The following GCM1 variants were observed in gnomAD, a reference collection of about 807,000 sequenced individuals.
The protein encoded by GCM1 is chorion-specific transcription factor GCMa.
GCM1 carries 2 observed loss-of-function variants against 25.7 expected under a neutral mutation model. That is an observed-to-expected ratio of 0.08 (90% confidence interval 0.03 to 0.24). The LOEUF (loss-of-function observed/expected upper bound fraction) is 0.24, where lower values mean the gene tolerates loss of function less well. GCM1 is among the 10% of genes least tolerant of loss of function. GCM1 has a pLI of 1.00. For synonymous variants in GCM1, 183 were observed against 195.7 expected (o/e 0.94, Z 0.54); for missense variants, 395 against 538.7 (o/e 0.73, Z 2.64).
rs1259951702 is a variant in GCM1, at chr6:53,142,000, G to GGAAAAAAAAAAAAAAAAAAAA, written c.75+3557_75+3558insTTTTTTTTTTTTTTTTTTTTC. 1.3e-3 allele frequency among the ~76,000 whole-genome samples: 16 copies of GGAAAAAAAAAAAAAAAAAAAA among 12,298 alleles called. 3 individuals carry two copies. The highest frequency in any genetic ancestry group is 1.9e-3 in the Non-Finnish European group (11 of 5,938). The allele number at this position is 12,298 out of a possible 152,430, so 8.1% of individuals were successfully genotyped here. A position where few individuals can be genotyped will look rare whatever the true frequency, so the allele number is the denominator to read the frequency against. On this transcript the variant is annotated intron_variant, in intron 2 of 5. Transcript: ENST00000259803. Reference sequence around the variant, plus strand: ...GCTTGGGTAATGAGAGTGAGACCCTGAAAAAAAAAAAAAAAAAAAAAAAAA... The same window carrying GGAAAAAAAAAAAAAAAAAAAA: ...GCTTGGGTAATGAGAGTGAGACCCTGGAAAAAAAAAAAAAAAAAAAAAAAAAAAAAAAAAAAAAAAAAAAAA...
At position 53,128,664 on chromosome 6, in the gene GCM1, A is replaced by G. The variant is rs1562086702; in HGVS notation, c.853T>C (p.Ser285Pro). The G allele has an allele frequency of 1.9e-6, 3 of 1,614,008 alleles. No individual in the cohort carries two copies. Among genetic ancestry groups the G allele is most frequent in the Non-Finnish European group, 2.5e-6 (3 of 1,179,870 alleles). Residue 285 changes from serine (S) to proline (P), a missense_variant, in exon 6 of 6, where the codon TCC (serine) becomes CCC (proline). Physicochemically the swap from Ser to Pro is moderately conservative, Grantham distance 74. Transcript: ENST00000259803. ...SSGDLLPPSA[S>P]GVYSDHGDLQ... is the part of the protein sequence containing the mutation. ...TCGCCATGATCAGAGTAGACTCCGG[A>G]GGCAGAAGGAGGAAGCAGGTCTCCA...
chr6:53,132,186 T>C (rs1763736645), intron 3 of GCM1, 67 bp from the exon 4 acceptor site: 2 of 1,010,018 alleles, frequency 2.0e-6, no homozygotes, highest in African/African-American at 1.6e-5. Context: ...TCCTGTGCAG[T>C]CTTGAAGATT....
intron 2 of GCM1, among the ~76,000 whole-genome samples, chr6:53,140,695 A>G (rs940957121): frequency 2.6e-5 from 4 of 152,276 alleles, no homozygotes; most frequent in Admixed American, 6.5e-5. Flanking sequence ...ACTGAGAGAA[A>G]CTGGCTGGTA....
chr6:53,141,783 C>A (rs1229040239), intron 2 of GCM1, among the ~76,000 whole-genome samples: 1 of 151,538 alleles, frequency 6.6e-6, no homozygotes, highest in Non-Finnish European at 1.5e-5. Flanking sequence ...GTGGGCAGAA[C>A]TCTTGAGTCC....
At chr6:53,133,859 G>C (rs1013813379) in intron 3 of GCM1, among the ~76,000 whole-genome samples, 1 of 152,154 alleles carries the variant, frequency 6.6e-6, no homozygotes, top group African/African-American at 2.4e-5. Context: ...GATGGTGGGT[G>C]CTCTGGGTAT....
Position 53,128,334 on chromosome 6 carries a change from A to G in GCM1, c.1183T>C (p.Ser395Pro). The change falls in exon 6 of 6, where the codon TCT becomes CCT. Residue 395 changes from serine (S) to proline (P), a missense_variant. Ser to Pro is a moderately conservative substitution (Grantham distance 74). Coordinates refer to ENST00000259803, the MANE Select transcript of GCM1 (RefSeq NM_003643.4). ...QEDPFLFTYA[S>P]HPHQQYSLPS... is the part of the protein sequence containing the mutation. ...AGTGAATATTGCTGATGAGGATGAGAGGCGTAGGTGAAGAGAAAGGGGTCT... is the reference window on the plus strand; with the variant it reads ...AGTGAATATTGCTGATGAGGATGAGGGGCGTAGGTGAAGAGAAAGGGGTCT... 6.2e-7 allele frequency: 1 copy of G among 1,614,050 alleles called. No individual in the cohort carries two copies. Among genetic ancestry groups the G allele is most frequent in the Non-Finnish European group, 8.5e-7 (1 of 1,179,962 alleles).
chr6:53,141,829 C>T (rs1763876659), intron 2 of GCM1, among the ~76,000 whole-genome samples: 1 of 150,918 alleles, frequency 6.6e-6, no homozygotes, highest in African/African-American at 2.4e-5. Context: ...CATGGCAAAA[C>T]CCCATCTCTA....
At chr6:53,130,268 C>G (rs1408757627) in intron 5 of GCM1, among the ~76,000 whole-genome samples, 2 of 152,190 alleles carry the variant, frequency 1.3e-5, no homozygotes, top group African/African-American at 4.8e-5. Flanking sequence ...AACCTATGAT[C>G]TGCTGCCCAT....
intron 1 of GCM1, among the ~76,000 whole-genome samples, chr6:53,147,447 T>A (rs111895556): frequency 0.15 from 15,519 of 101,920 alleles, 1,868 homozygotes; most frequent in African/African-American, 0.37. Context: ...TTTTTTTTTT[T>A]AATGGAGTCT....
chr6:53,137,363 C>CCCTT (rs1333287231), intron 2 of GCM1, among the ~76,000 whole-genome samples: 1 of 152,194 alleles, frequency 6.6e-6, no homozygotes, highest in Admixed American at 6.5e-5. Flanking sequence ...ACCTTCTCTT[C>CCCTT]CCTTCCTTCC....
At chr6:53,139,186 A>G (rs1763840245) in intron 2 of GCM1, among the ~76,000 whole-genome samples, 4 of 152,156 alleles carry the variant, frequency 2.6e-5, no homozygotes, top group Non-Finnish European at 1.5e-5. Context: ...CTTTAAAGCA[A>G]ATTATATAGA....
chr6:53,142,000 GAAAAAAAAAAAAAAAAAAAAAAAAAAAA>G (rs59663630), intron 2 of GCM1, among the ~76,000 whole-genome samples: 4 of 12,300 alleles, frequency 3.3e-4, no homozygotes, highest in Non-Finnish European at 5.1e-4. Context: ...GTGAGACCCT[GAAAAAAAAAAAAAAAAAAAAAAAAAAAA>G]AAAAAAAAAA....
Position 53,128,382 on chromosome 6 carries a change from G to A in GCM1, c.1135C>T (p.Pro379Ser). The stretch of plus-strand genomic sequence containing the variant: ...TCTTCTTGAGGTGAATGGTATGCAG[G>A]AGACTGGACGTAGCTGTTAAAATCC... ...HVDFNSYVQS[P>S]AYHSPQEDPF... The change falls in exon 6 of 6, where the codon CCT becomes TCT. Residue 379 changes from proline (P) to serine (S), a missense_variant. Around this residue, in one of 5 missense-constraint regions of GCM1, gnomAD observed 291 missense variants for 314.6 expected, o/e 0.92. Transcript: ENST00000259803. 1 of 1,613,866 alleles carries A rather than the reference G, an allele frequency of 6.2e-7. No homozygotes were observed. The highest frequency in any genetic ancestry group is 8.5e-7 in the Non-Finnish European group (1 of 1,179,734).
At chr6:53,139,274 G>A (rs973997836) in intron 2 of GCM1, among the ~76,000 whole-genome samples, 4 of 151,944 alleles carry the variant, frequency 2.6e-5, no homozygotes, top group Non-Finnish European at 4.4e-5. Flanking sequence ...AACTTTTCAG[G>A]AACTTATCTC....
intron 3 of GCM1, among the ~76,000 whole-genome samples, chr6:53,133,253 C>T (rs1458858752): frequency 1.3e-5 from 2 of 151,708 alleles, no homozygotes; most frequent in South Asian, 2.1e-4. Flanking sequence ...CAACCTCCAC[C>T]TTCTGGGTTC....
chr6:53,130,367 A>G (rs1002229424), intron 5 of GCM1, among the ~76,000 whole-genome samples: 7 of 152,176 alleles, frequency 4.6e-5, no homozygotes, highest in Admixed American at 4.6e-4. Flanking sequence ...ATTTTCGGAA[A>G]CTGCTTGCTT....
At chr6:53,142,652 C>A (rs1763897124) in intron 2 of GCM1, among the ~76,000 whole-genome samples, 1 of 152,094 alleles carries the variant, frequency 6.6e-6, no homozygotes, top group South Asian at 2.1e-4. Flanking sequence ...TTTCTCCAGG[C>A]TCACACAGAT....
chr6:53,142,000 GAAAAAAAAAAAAAAAAAAAAAAAA>G (rs59663630), intron 2 of GCM1, among the ~76,000 whole-genome samples: 43 of 12,304 alleles, frequency 3.5e-3, no homozygotes, highest in South Asian at 6.9e-3. Flanking sequence ...GTGAGACCCT[GAAAAAAAAAAAAAAAAAAAAAAAA>G]AAAAAAAAAA....
Position 53,134,904 on chromosome 6 carries a change from A to G in GCM1, c.76-580T>C, listed in dbSNP as rs1049819889. ...TACTGGGAGTCACACAGGTTTATGC[A>G]ATGTCGCCAGAGATAAGCAGTGGGA... On this transcript the variant is annotated intron_variant, in intron 2 of 5. Transcript: ENST00000259803. 6.6e-5 allele frequency among the ~76,000 whole-genome samples: 10 copies of G among 152,316 alleles called. No individual in the cohort carries two copies. In the East Asian group the frequency reaches 1.7e-3, roughly 26 times the overall value.
Sources: allele counts gnomAD v4.1 joint callset (sites outside exome capture counted in the v4.1 genomes callset), GRCh38; gene constraint gnomAD v4.1.1; regional missense constraint gnomAD v4.1.1; transcripts MANE v1.5; gene names NCBI Gene and HGNC (gene_info 2026-07-23, HGNC 2026-07-21).